The following MYRIP variants were observed in gnomAD, a reference collection of about 807,000 sequenced individuals.
MYRIP encodes rab effector MyRIP.
Under a neutral mutation model 98.0 loss-of-function variants are expected in MYRIP, and 49 were observed. That is an observed-to-expected ratio of 0.50 (90% CI 0.40 to 0.63). MYRIP has a LOEUF of 0.63. Among genes scored for constraint, MYRIP ranks in the 30% least tolerant of loss-of-function variants. The probability of loss-of-function intolerance (pLI) is 0.00; values close to 1 mark genes in which losing one functional copy is unlikely to be tolerated. For missense variants in MYRIP, 1,004 were observed against 1,058.2 expected, an observed-to-expected ratio of 0.95 and a Z score of 0.71; for synonymous variants, 404 against 409.5, an observed-to-expected ratio of 0.99 and a Z score of 0.16.
chr3:40,038,954 T>C (rs1211401839), intron 2 of MYRIP, among the ~76,000 whole-genome samples: 1 of 152,142 alleles, frequency 6.6e-6, no homozygotes, highest in Non-Finnish European at 1.5e-5. Flanking sequence ...CATATGGGAA[T>C]CTGGATAGGC....
chr3:40,134,456 G>T (rs549139607), intron 3 of MYRIP, among the ~76,000 whole-genome samples: 4 of 152,224 alleles, frequency 2.6e-5, no homozygotes, highest in Non-Finnish European at 4.4e-5. Flanking sequence ...CACCTCTGGG[G>T]GCAGGGCACA....
intron 2 of MYRIP, among the ~76,000 whole-genome samples, chr3:40,041,022 G>GAAAAAAAAAAAAAAAAAAAA: frequency 4.9e-5 from 2 of 41,210 alleles, no homozygotes; most frequent in Non-Finnish European, 9.3e-5. Flanking sequence ...ATTACCAGCA[G>GAAAAAAAAAAAAAAAAAAAA]AAAAAAAAAA....
intron 2 of MYRIP, among the ~76,000 whole-genome samples, chr3:40,032,482 C>T (rs540620666): frequency 1.6e-4 from 24 of 152,012 alleles, no homozygotes; most frequent in Admixed American, 7.2e-4. Context: ...TGGTGTGGTG[C>T]TGAAAAAAAT....
intron 1 of MYRIP, among the ~76,000 whole-genome samples, chr3:39,843,196 T>A (rs1454302098): frequency 6.6e-6 from 1 of 152,206 alleles, no homozygotes; most frequent in Admixed American, 6.5e-5. Flanking sequence ...AGGGTCAAAT[T>A]TCTTTATAGT....
chr3:40,041,642 A>G (rs954637542), intron 2 of MYRIP, among the ~76,000 whole-genome samples: 1 of 151,844 alleles, frequency 6.6e-6, no homozygotes, highest in Non-Finnish European at 1.5e-5. Context: ...GATCCTGCAC[A>G]AGGTAAAAGA....
At chr3:40,076,450 A>C (rs1021071678) in intron 3 of MYRIP, among the ~76,000 whole-genome samples, 1 of 152,196 alleles carries the variant, frequency 6.6e-6, no homozygotes, top group Admixed American at 6.5e-5. Context: ...CACAAACCAT[A>C]TCAATTAAGT....
intron 1 of MYRIP, among the ~76,000 whole-genome samples, chr3:39,851,318 T>C (rs1490389774): frequency 6.6e-6 from 1 of 152,216 alleles, no homozygotes; most frequent in Non-Finnish European, 1.5e-5. Flanking sequence ...GACCACTAGA[T>C]ATTTCTCCAG....
intron 2 of MYRIP, among the ~76,000 whole-genome samples, chr3:39,992,494 A>T (rs1037577912): frequency 6.6e-6 from 1 of 151,882 alleles, no homozygotes; most frequent in Non-Finnish European, 1.5e-5. Flanking sequence ...TTCCAATTTA[A>T]CTCTGGACTT....
chr3:40,001,425 T>C (rs1946517379), intron 2 of MYRIP, among the ~76,000 whole-genome samples: 1 of 152,020 alleles, frequency 6.6e-6, no homozygotes, highest in African/African-American at 2.4e-5. Flanking sequence ...GGCCCTCGAG[T>C]TTCCCTCACT....
intron 2 of MYRIP, among the ~76,000 whole-genome samples, chr3:39,927,644 C>G (rs1164212044): frequency 6.6e-6 from 1 of 151,948 alleles, no homozygotes; most frequent in Admixed American, 6.6e-5. Flanking sequence ...CATACTGAAA[C>G]TATTCCAAAA....
intron 1 of MYRIP, among the ~76,000 whole-genome samples, chr3:39,813,039 G>A (rs1032658896): frequency 1.3e-5 from 2 of 152,204 alleles, no homozygotes; most frequent in Non-Finnish European, 2.9e-5. Flanking sequence ...TTAAGGTGGT[G>A]TGTCCTTGTG....
chr3:40,085,408 C>T (rs4676568), intron 3 of MYRIP, among the ~76,000 whole-genome samples: 66,435 of 151,986 alleles, frequency 0.44, 14,929 homozygotes, highest in Admixed American at 0.5. Context: ...CCTCAGCCTC[C>T]CAAGTAGCTG....
At chr3:40,120,905 T>C (rs1949388412) in intron 3 of MYRIP, among the ~76,000 whole-genome samples, 1 of 152,204 alleles carries the variant, frequency 6.6e-6, no homozygotes, top group Non-Finnish European at 1.5e-5. Context: ...CTCCAAATAA[T>C]TGAGACTAAA....
At chr3:39,847,985 C>T (rs1261875451) in intron 1 of MYRIP, among the ~76,000 whole-genome samples, 1 of 152,184 alleles carries the variant, frequency 6.6e-6, no homozygotes, top group African/African-American at 2.4e-5. Context: ...TCATCGTAAG[C>T]ACCTTCCTGC....
At chr3:40,189,717 T>C (rs896762875) in intron 9 of MYRIP, 109 bp from the exon 10 acceptor site, 2 of 1,214,838 alleles carry the variant, frequency 1.6e-6, no homozygotes, top group East Asian at 4.7e-5. Context: ...AGGCAACTGC[T>C]CTCCAACAGC....
chr3:40,182,669 T>A (rs956623879), intron 9 of MYRIP, among the ~76,000 whole-genome samples: 1 of 152,140 alleles, frequency 6.6e-6, no homozygotes, highest in Non-Finnish European at 1.5e-5. Flanking sequence ...CCTGGACAAG[T>A]GTGTTCACAT....
At chr3:40,198,424 T>G (rs1026346875) in intron 10 of MYRIP, among the ~76,000 whole-genome samples, 1 of 152,172 alleles carries the variant, frequency 6.6e-6, no homozygotes, top group African/African-American at 2.4e-5. Context: ...TTAGAAAAGG[T>G]AGAGAGTGAA....
chr3:40,153,450 A>G (rs887275949), intron 4 of MYRIP, among the ~76,000 whole-genome samples: 12 of 152,210 alleles, frequency 7.9e-5, no homozygotes, highest in Admixed American at 7.2e-4. Context: ...TAGGTTTGTC[A>G]TCTGCCATCC....
At chr3:40,049,495 G>T (rs1330474446) in intron 3 of MYRIP, among the ~76,000 whole-genome samples, 1 of 151,994 alleles carries the variant, frequency 6.6e-6, no homozygotes, top group Non-Finnish European at 1.5e-5. Context: ...TAATCTATCA[G>T]TATTGTGTGT....
Sources: allele counts gnomAD v4.1 joint callset (sites outside exome capture counted in the v4.1 genomes callset), GRCh38; gene constraint gnomAD v4.1.1; transcripts MANE v1.5; gene names NCBI Gene and HGNC (gene_info 2026-07-23, HGNC 2026-07-21).